AP2A1: variants seen among roughly 807,000 people sequenced by gnomAD.
AP2A1 encodes adaptor related protein complex 2 subunit alpha 1, also known as AP-2 complex subunit alpha-1.
Under a neutral mutation model 107.3 loss-of-function variants are expected in AP2A1, and 21 were observed. The observed-to-expected ratio is 0.20, with a 90% confidence interval of 0.14 to 0.28. AP2A1 has a LOEUF of 0.28. Among genes scored for constraint, AP2A1 ranks in the 10% least tolerant of loss-of-function variants. The pLI is 1.00. For synonymous variants in AP2A1, 602 were observed against 564.8 expected (o/e 1.07, Z -0.93); for missense variants, 873 against 1,307.7 (o/e 0.67, Z 5.13).
chr19:49,791,975 C>G lies in AP2A1; in HGVS notation c.514C>G (p.Leu172Val), dbSNP rs1183455622. The G allele has an allele frequency of 6.2e-7, 1 of 1,612,290 alleles. No individual in the cohort carries two copies. Among genetic ancestry groups the G allele is most frequent in the Non-Finnish European group, 8.5e-7 (1 of 1,179,422 alleles). ...TGTCAAGCAGAGTGCGGCCCTGTGC[C>G]TCCTTCGACTGTACAAGGCCTCGCC... ...DSVKQSAALC[L>V]LRLYKASPDL... Residue 172 changes from leucine (L) to valine (V), a missense_variant, in exon 5 of 23, where the codon CTC (leucine) becomes GTC (valine). Physicochemically the swap from Leu to Val is conservative, Grantham distance 32. Coordinates refer to ENST00000354293, the MANE Select transcript of AP2A1 (RefSeq NM_130787.3).
rs1177590085 is a variant in AP2A1, at chr19:49,785,232, A to C, written c.473+2508A>C. 6.6e-6 allele frequency among the ~76,000 whole-genome samples: 1 copy of C among 152,204 alleles called. No individual in the cohort carries two copies. The highest frequency in any genetic ancestry group is 1.5e-5 in the Non-Finnish European group (1 of 68,028). On this transcript the variant is annotated intron_variant, in intron 4 of 22. Transcript: ENST00000354293. This position sits in a 1 kb window ranked among gnomAD's most constrained non-coding sequence, Gnocchi z 4.1. Reference sequence around the variant, plus strand: ...AATCATAAGCAAAAGTACAGACTGTAGGGGGTGACTGTGGGGCAGCAAGAC... The same window carrying C: ...AATCATAAGCAAAAGTACAGACTGTCGGGGGTGACTGTGGGGCAGCAAGAC...
At chr19:49,774,637 CAG>C (rs967253063) in intron 1 of AP2A1, among the ~76,000 whole-genome samples, 55 of 151,904 alleles carry the variant, frequency 3.6e-4, no homozygotes, top group Admixed American at 1.1e-3. Flanking sequence ...AAAAGCAAAA[CAG>C]GGGCCAGGTA....
chr19:49,800,192 C>T (rs1373607514), intron 11 of AP2A1, 42 bp downstream of exon 11: 1 of 1,562,022 alleles, frequency 6.4e-7, no homozygotes, highest in African/African-American at 1.4e-5. Context: ...CACGACAGGA[C>T]CTAGAGGCAG....
chr19:49,799,238 G>T, intron 8 of AP2A1, 89 bp from the exon 9 acceptor site: 1 of 1,431,690 alleles, frequency 7.0e-7, no homozygotes, highest in Non-Finnish European at 9.4e-7. Flanking sequence ...ATCCTTGGGG[G>T]CTGTGAGATG....
intron 7 of AP2A1, 27 bp downstream of exon 7, chr19:49,795,765 C>A (rs772531260): frequency 2.8e-5 from 41 of 1,483,958 alleles, no homozygotes; most frequent in Non-Finnish European, 3.8e-5. Context: ...ACTCCCCAAC[C>A]CGGGGTGGCC....
At chr19:49,796,015 CTG>C (rs996291302) in intron 7 of AP2A1, 13 of 426,844 alleles carry the variant, frequency 3.0e-5, no homozygotes, top group African/African-American at 1.8e-4. Flanking sequence ...GGACTGTTAA[CTG>C]TGCCTGTTTT....
chr19:49,773,378 A>G (rs2084585130), intron 1 of AP2A1, among the ~76,000 whole-genome samples: 1 of 151,990 alleles, frequency 6.6e-6, no homozygotes, highest in Non-Finnish European at 1.5e-5. Flanking sequence ...AGCACATCCC[A>G]CTCCAAATGG....
intron 1 of AP2A1, among the ~76,000 whole-genome samples, chr19:49,770,497 A>T (rs2084545631): frequency 6.6e-6 from 1 of 152,196 alleles, no homozygotes; most frequent in African/African-American, 2.4e-5. Flanking sequence ...CAACATACAA[A>T]TTGCAGTAGT....
intron 1 of AP2A1, among the ~76,000 whole-genome samples, chr19:49,772,876 C>A (rs1157783778): frequency 2.0e-5 from 3 of 151,806 alleles, no homozygotes; most frequent in Non-Finnish European, 4.4e-5. Context: ...GTGGCTGGTG[C>A]AGAGAGGGAT....
Position 49,802,044 on chromosome 19 carries a change from C to T in AP2A1, c.2017C>T (p.Pro673Ser), listed in dbSNP as rs747357536. Reference protein sequence around the residue: ...LRAAPPPAAPPASAGAGNLLV... With the variant: ...LRAAPPPAAPSASAGAGNLLV... ...GGCAGCCCCTCCCCCGGCAGCACCC[C>T]CGGCTTCTGCAGGAGCAGGGAACCT... is the stretch of plus-strand genomic sequence containing the variant. The change falls in exon 15 of 23, where the codon CCG (proline) becomes TCG (serine). Residue 673 changes from proline to serine, a missense_variant. Pro to Ser is a moderately conservative substitution (Grantham distance 74, BLOSUM62 -1). Coordinates refer to ENST00000354293, the MANE Select transcript of AP2A1 (RefSeq NM_130787.3). The T allele has an allele frequency of 6.3e-7, 1 of 1,579,774 alleles. No homozygotes were observed. The highest frequency in any genetic ancestry group is 2.3e-5 in the East Asian group (1 of 43,644).
chr19:49,781,701 G>A, intron 1 of AP2A1, 56 bp from the exon 2 acceptor site: 1 of 1,520,374 alleles, frequency 6.6e-7, no homozygotes, highest in Non-Finnish European at 8.9e-7. Flanking sequence ...GGAAAGAGAG[G>A]GCAGGTGGCT....
At chr19:49,771,516 C>T (rs2084557768) in intron 1 of AP2A1, among the ~76,000 whole-genome samples, 1 of 151,956 alleles carries the variant, frequency 6.6e-6, no homozygotes, top group South Asian at 2.1e-4. Flanking sequence ...TCAAGCGATT[C>T]TCCTGCCTCA....
At chr19:49,779,938 C>T (rs557247988) in intron 1 of AP2A1, among the ~76,000 whole-genome samples, 9 of 152,208 alleles carry the variant, frequency 5.9e-5, no homozygotes, top group Admixed American at 1.3e-4. Context: ...GGAGGTGATA[C>T]CTGAAGTGAG....
chr19:49,802,334 CTG>C (rs1478056093), intron 15 of AP2A1, 193 bp downstream of exon 15: 1 of 828,164 alleles, frequency 1.2e-6, no homozygotes, highest in Non-Finnish European at 2.0e-6. Flanking sequence ...CTCTGCCACT[CTG>C]GACTCCGCCG....
At chr19:49,792,959 G>C in intron 5 of AP2A1, 32 bp from the exon 6 acceptor site, 5 of 1,555,290 alleles carry the variant, frequency 3.2e-6, no homozygotes, top group Non-Finnish European at 4.4e-6. Flanking sequence ...CCTCCCCCAG[G>C]GGCCTGACTT....
chr19:49,805,818 G>A, intron 20 of AP2A1, 41 bp downstream of exon 20: 1 of 1,612,166 alleles, frequency 6.2e-7, no homozygotes, highest in Non-Finnish European at 8.5e-7. Flanking sequence ...CCGCGCCTCT[G>A]GGTGGGCGGG....
chr19:49,803,639 C>T (rs2073321709), intron 18 of AP2A1: 3 of 502,800 alleles, frequency 6.0e-6, no homozygotes, highest in Non-Finnish European at 7.2e-6. Flanking sequence ...TGTCTGGCAC[C>T]TTCCGTGTCC....
At chr19:49,802,846 T>G in intron 15 of AP2A1, 103 bp from the exon 16 acceptor site, 1 of 1,354,686 alleles carries the variant, frequency 7.4e-7, no homozygotes, top group Non-Finnish European at 1.0e-6. Context: ...GATATGTGGT[T>G]CTGGGGTTCT....
rs1416519804 is a variant in AP2A1, at chr19:49,805,599, G to T, written c.2468+23G>T. ...CCGGTGAGTCAGGTACGGCGCGGCC[G>T]GTGGGCGGAGCCTCCGGGGTGAGGG... is the stretch of plus-strand genomic sequence containing the variant. On this transcript the variant is annotated intron_variant, in intron 19 of 22. Transcript: ENST00000354293. The T allele has an allele frequency of 2.6e-6, 4 of 1,559,706 alleles. No homozygotes were observed. The East Asian group carries it at 9.5e-5, about 37-fold the overall frequency.
Sources: allele counts gnomAD v4.1 joint callset (sites outside exome capture counted in the v4.1 genomes callset), GRCh38; gene constraint gnomAD v4.1.1; non-coding constraint Gnocchi (gnomAD v3.1); transcripts MANE v1.5; gene names NCBI Gene and HGNC (gene_info 2026-07-23, HGNC 2026-07-21).